Variants in CFAP299 observed in about 807,000 individuals in gnomAD.
The protein encoded by CFAP299 is cilia- and flagella-associated protein 299.
Under a neutral mutation model 27.0 loss-of-function variants are expected in CFAP299, and 21 were observed. That is an observed-to-expected ratio of 0.78 (90% CI 0.55 to 1.12). The LOEUF is 1.12. Ranked by LOEUF, CFAP299 falls within the 50% of genes most tolerant of loss-of-function variation. The probability of loss-of-function intolerance (pLI) is 0.00; values close to 1 mark genes in which losing one functional copy is unlikely to be tolerated. For synonymous variants in CFAP299, 104 were observed against 98.1 expected (o/e 1.06, Z -0.36); for missense variants, 310 against 276.6 (o/e 1.12, Z -0.86).
chr4:80,663,011 G>A (rs1740941241), intron 3 of CFAP299, among the ~76,000 whole-genome samples: 1 of 148,546 alleles, frequency 6.7e-6, no homozygotes, highest in Non-Finnish European at 1.5e-5. Context: ...TTCTCAGGCT[G>A]TTAAAGGAAA....
chr4:80,754,612 G>A (rs1158393513), intron 3 of CFAP299, among the ~76,000 whole-genome samples: 1 of 151,944 alleles, frequency 6.6e-6, no homozygotes, highest in Non-Finnish European at 1.5e-5. Context: ...ATTTTTGGAG[G>A]CTTTCTCATG....
intron 2 of CFAP299, among the ~76,000 whole-genome samples, chr4:80,557,474 A>AT (rs1734835154): frequency 6.6e-6 from 1 of 152,108 alleles, no homozygotes; most frequent in East Asian, 1.9e-4. Flanking sequence ...CTTATACTAT[A>AT]GAAGGTCCTA....
Position 80,710,854 on chromosome 4 carries a change from G to A in CFAP299, c.333+127671G>A, listed in dbSNP as rs542062565. On this transcript the variant is annotated intron_variant, in intron 3 of 5. Coordinates refer to ENST00000358105, the MANE Select transcript of CFAP299 (RefSeq NM_152770.3). Reference sequence around the variant, plus strand: ...TTATTGGGCTCCTTTTTTGTACCTGGGACTTCACAAACAAATCTCTAAGCC... The same window carrying A: ...TTATTGGGCTCCTTTTTTGTACCTGAGACTTCACAAACAAATCTCTAAGCC... Among the ~76,000 whole-genome samples, 161 of 151,998 alleles carry A rather than the reference G, an allele frequency of 1.1e-3. 2 individuals are homozygous for A. The highest frequency in any genetic ancestry group is 2.1e-3 in the South Asian group (10 of 4,824).
intron 3 of CFAP299, chr4:80,608,437 T>C: frequency 8.5e-7 from 1 of 1,172,002 alleles, no homozygotes; most frequent in Non-Finnish European, 1.2e-6. Flanking sequence ...ACATTTTGGC[T>C]TCATCCTACA....
chr4:80,905,399 G>A (rs993946133), intron 4 of CFAP299, among the ~76,000 whole-genome samples: 4 of 152,148 alleles, frequency 2.6e-5, no homozygotes, highest in African/African-American at 7.2e-5. Context: ...TTTCCTCAAC[G>A]TAGACTACAG....
At chr4:80,587,804 C>G (rs1023846241) in intron 3 of CFAP299, among the ~76,000 whole-genome samples, 3 of 152,116 alleles carry the variant, frequency 2.0e-5, no homozygotes, top group African/African-American at 7.2e-5. Flanking sequence ...TTTGCCCAGG[C>G]TAGTCTTGAA....
At chr4:80,919,883 G>T (rs997304478) in intron 4 of CFAP299, among the ~76,000 whole-genome samples, 3 of 152,032 alleles carry the variant, frequency 2.0e-5, no homozygotes, top group Non-Finnish European at 4.4e-5. Flanking sequence ...GCAAGGCTTT[G>T]CCCCCAGTAT....
chr4:80,791,848 A>T (rs1366639264), intron 3 of CFAP299, among the ~76,000 whole-genome samples: 1 of 151,718 alleles, frequency 6.6e-6, no homozygotes, highest in Admixed American at 6.6e-5. Context: ...AGATATATAT[A>T]TATATACATA....
At chr4:80,645,589 G>A (rs1739966656) in intron 3 of CFAP299, among the ~76,000 whole-genome samples, 1 of 152,114 alleles carries the variant, frequency 6.6e-6, no homozygotes, top group Non-Finnish European at 1.5e-5. Context: ...ACAGTGACTA[G>A]CACGTTCAGT....
intron 2 of CFAP299, among the ~76,000 whole-genome samples, chr4:80,383,229 A>G (rs1724802585): frequency 6.6e-6 from 1 of 152,084 alleles, no homozygotes; most frequent in Non-Finnish European, 1.5e-5. Context: ...CAAAATAACT[A>G]TTGGGTACTA....
intron 3 of CFAP299, among the ~76,000 whole-genome samples, chr4:80,845,522 C>G (rs1178644585): frequency 6.6e-6 from 1 of 152,144 alleles, no homozygotes; most frequent in Admixed American, 6.6e-5. Context: ...CATTGACTTT[C>G]TTTCCATTTC....
chr4:80,694,257 C>T (rs371271178), intron 3 of CFAP299, among the ~76,000 whole-genome samples: 7 of 152,174 alleles, frequency 4.6e-5, no homozygotes, highest in South Asian at 4.1e-4. Context: ...TCAGTACATA[C>T]GTCTCACAAG....
At chr4:80,451,837 C>T (rs1728919016) in intron 2 of CFAP299, among the ~76,000 whole-genome samples, 1 of 152,172 alleles carries the variant, frequency 6.6e-6, no homozygotes, top group Admixed American at 6.5e-5. Flanking sequence ...GATAATTATT[C>T]AGTGAAAGAT....
chr4:80,866,345 T>C (rs571488314), intron 3 of CFAP299, among the ~76,000 whole-genome samples: 9 of 151,962 alleles, frequency 5.9e-5, no homozygotes, highest in Non-Finnish European at 1.2e-4. Flanking sequence ...ATTTGCATGA[T>C]GTTTACAAAT....
intron 2 of CFAP299, among the ~76,000 whole-genome samples, chr4:80,458,568 T>G (rs1345980327): frequency 6.6e-6 from 1 of 152,208 alleles, no homozygotes; most frequent in Non-Finnish European, 1.5e-5. Flanking sequence ...AGACAAGAGC[T>G]CTCTAAAACA....
At chr4:80,338,305 TA>T (rs1722262585) in intron 1 of CFAP299, among the ~76,000 whole-genome samples, 1 of 152,204 alleles carries the variant, frequency 6.6e-6, no homozygotes, top group Admixed American at 6.5e-5. Context: ...TGAGAACACT[TA>T]AAAATCTATT....
intron 3 of CFAP299, among the ~76,000 whole-genome samples, chr4:80,862,142 G>C (rs993568223): frequency 6.6e-6 from 1 of 152,102 alleles, no homozygotes; most frequent in East Asian, 1.9e-4. Context: ...GGCCACGGTG[G>C]GTGGATCATT....
chr4:80,756,563 A>G (rs1483090238), intron 3 of CFAP299, among the ~76,000 whole-genome samples: 1 of 152,176 alleles, frequency 6.6e-6, no homozygotes, highest in Non-Finnish European at 1.5e-5. Flanking sequence ...TAGTGTTAAA[A>G]AAAAACAAAA....
At chr4:80,821,302 G>A (rs902136153) in intron 3 of CFAP299, among the ~76,000 whole-genome samples, 14 of 152,156 alleles carry the variant, frequency 9.2e-5, no homozygotes, top group East Asian at 5.8e-4. Flanking sequence ...CACTGAAAAC[G>A]TTAAGTTGAA....
Sources: gnomAD v4.1 joint callset for allele counts (sites outside exome capture counted in the v4.1 genomes callset) on GRCh38, gnomAD v4.1.1 for gene constraint, MANE v1.5 for transcripts, NCBI Gene and HGNC (gene_info 2026-07-23, HGNC 2026-07-21) for gene names.